The following IGF2BP2 variants were observed in gnomAD, a reference collection of about 807,000 sequenced individuals.
The protein encoded by IGF2BP2 is insulin like growth factor 2 mRNA binding protein 2.
IGF2BP2 carries 17 observed loss-of-function variants against 75.8 expected under a neutral mutation model. That is an observed-to-expected ratio of 0.22 (90% CI 0.15 to 0.34). The LOEUF is 0.34. Among genes scored for constraint, IGF2BP2 ranks in the 10% least tolerant of loss-of-function variants. IGF2BP2 has a pLI of 1.00. For missense variants in IGF2BP2, 516 were observed against 772.4 expected (o/e 0.67, Z 3.93); for synonymous variants, 288 against 295.6 (o/e 0.97, Z 0.26).
In IGF2BP2 at chr3:185,644,495, G is replaced by A. The variant is rs999295736; in HGVS notation, c.*1036C>T. The A allele has an allele frequency of 3.4e-5, 5 of 147,262 alleles. No homozygotes were observed. Among genetic ancestry groups the A allele is most frequent in the African/African-American group, 1.0e-4 (4 of 39,468 alleles). 9.1% of individuals were successfully genotyped at this position (147,262 alleles called of 1,614,324 possible). ...GCTAGGACAAGTACCATTGACTCTT[G>A]TTCTTTTGAGTAACCAAGTGTAAGT... On this transcript the variant is annotated 3_prime_UTR_variant, in exon 16 of 16. Transcript: ENST00000382199.
intron 2 of IGF2BP2, among the ~76,000 whole-genome samples, chr3:185,759,311 T>G (rs1732043704): frequency 6.6e-6 from 1 of 152,238 alleles, no homozygotes; most frequent in African/African-American, 2.4e-5. Flanking sequence ...CATGTACTAC[T>G]GTCTGCTCTA....
chr3:185,741,826 G>C (rs1428645422), intron 2 of IGF2BP2, among the ~76,000 whole-genome samples: 7 of 152,190 alleles, frequency 4.6e-5, no homozygotes, highest in African/African-American at 1.4e-4. Flanking sequence ...GACTGAGTAT[G>C]TGTGGGTGCA....
chr3:185,696,134 T>G (rs187551059), intron 4 of IGF2BP2, among the ~76,000 whole-genome samples: 50 of 152,294 alleles, frequency 3.3e-4, no homozygotes, highest in Admixed American at 1.4e-3. Context: ...CCTGCAAGAC[T>G]CTTACTCAGC....
chr3:185,717,873 T>C (rs1725877419), intron 2 of IGF2BP2: 1 of 152,156 alleles, frequency 6.6e-6, no homozygotes, highest in Non-Finnish European at 1.5e-5. Flanking sequence ...AACCCCAGTC[T>C]TGGGATGCGG....
chr3:185,707,210 G>A (rs1406610837), intron 2 of IGF2BP2, among the ~76,000 whole-genome samples: 26 of 142,352 alleles, frequency 1.8e-4, no homozygotes, highest in Non-Finnish European at 2.9e-4. Context: ...GGCAACAAGA[G>A]TGAAACTCCA....
chr3:185,735,860 T>C (rs911143423), intron 2 of IGF2BP2, among the ~76,000 whole-genome samples: 1 of 152,182 alleles, frequency 6.6e-6, no homozygotes, highest in Admixed American at 6.5e-5. Flanking sequence ...CTCATTAAGT[T>C]TGTTGAATGA....
At chr3:185,681,878 T>TGAA (rs1229553054) in intron 7 of IGF2BP2, among the ~76,000 whole-genome samples, 8 of 152,168 alleles carry the variant, frequency 5.3e-5, no homozygotes, top group South Asian at 4.1e-4. Context: ...AGAATGAAGT[T>TGAA]GAACCATTAT....
At chr3:185,724,243 G>C (rs758236110) in intron 2 of IGF2BP2, among the ~76,000 whole-genome samples, 18 of 152,198 alleles carry the variant, frequency 1.2e-4, no homozygotes, top group Non-Finnish European at 2.4e-4. Flanking sequence ...TTGTCCACTG[G>C]AGCGACATGT....
At chr3:185,808,673 C>T (rs1739379401) in intron 2 of IGF2BP2, among the ~76,000 whole-genome samples, 1 of 151,694 alleles carries the variant, frequency 6.6e-6, no homozygotes. Context: ...GATTCTCATG[C>T]CTCAGCCTCC....
intron 2 of IGF2BP2, among the ~76,000 whole-genome samples, chr3:185,733,993 A>G (rs1020815807): frequency 6.6e-6 from 1 of 152,062 alleles, no homozygotes; most frequent in African/African-American, 2.4e-5. Flanking sequence ...TTACTGGGAA[A>G]GTATTTCTGG....
chr3:185,694,133 A>C (rs563113808), intron 4 of IGF2BP2, among the ~76,000 whole-genome samples: 1 of 152,366 alleles, frequency 6.6e-6, no homozygotes, highest in East Asian at 1.9e-4. Flanking sequence ...ACCCGAGCCC[A>C]GCTCTGGCCT....
intron 2 of IGF2BP2, among the ~76,000 whole-genome samples, chr3:185,769,118 G>A (rs1020020914): frequency 2.6e-5 from 4 of 152,152 alleles, no homozygotes; most frequent in Non-Finnish European, 4.4e-5. Context: ...CAAGGTGGGA[G>A]AATCACTTGA....
intron 1 of IGF2BP2, among the ~76,000 whole-genome samples, chr3:185,823,748 C>G (rs1236338963): frequency 6.6e-6 from 1 of 151,932 alleles, no homozygotes; most frequent in Non-Finnish European, 1.5e-5. Flanking sequence ...ACTCCACACG[C>G]CGGTGGGGAA....
chr3:185,707,099 C>A (rs1724131045), intron 2 of IGF2BP2, among the ~76,000 whole-genome samples: 1 of 151,604 alleles, frequency 6.6e-6, no homozygotes, highest in African/African-American at 2.4e-5. Flanking sequence ...GTGGCACACG[C>A]CTGTAATCCC....
At chr3:185,682,505 T>C (rs969344440) in intron 7 of IGF2BP2, among the ~76,000 whole-genome samples, 2 of 152,214 alleles carry the variant, frequency 1.3e-5, no homozygotes, top group African/African-American at 2.4e-5. Flanking sequence ...CGGTCTTTAG[T>C]ATTCTGTTAC....
chr3:185,703,538 G>A (rs1184484173), intron 2 of IGF2BP2, among the ~76,000 whole-genome samples: 1 of 151,524 alleles, frequency 6.6e-6, no homozygotes, highest in African/African-American at 2.4e-5. Flanking sequence ...GGGAGGCTGA[G>A]GCAGATGGAT....
At chr3:185,727,164 G>C (rs1727450238) in intron 2 of IGF2BP2, among the ~76,000 whole-genome samples, 1 of 150,344 alleles carries the variant, frequency 6.7e-6, no homozygotes, top group South Asian at 2.1e-4. Flanking sequence ...GTTGCAGTGA[G>C]CTGAGATCAT....
intron 2 of IGF2BP2, among the ~76,000 whole-genome samples, chr3:185,721,158 G>A (rs554298267): frequency 1.4e-4 from 21 of 152,220 alleles, no homozygotes; most frequent in Admixed American, 1.2e-3. Flanking sequence ...TGACACACAT[G>A]AAGGAGAGGC....
chr3:185,808,674 C>T (rs143048116), intron 2 of IGF2BP2, among the ~76,000 whole-genome samples: 6,788 of 151,724 alleles, frequency 0.045, 178 homozygotes, highest in South Asian at 0.099. Flanking sequence ...ATTCTCATGC[C>T]TCAGCCTCCT....
Sources: allele counts gnomAD v4.1 joint callset (sites outside exome capture counted in the v4.1 genomes callset), GRCh38; gene constraint gnomAD v4.1.1; transcripts MANE v1.5; gene names NCBI Gene and HGNC (gene_info 2026-07-23, HGNC 2026-07-21).